SYNE1: variants seen among roughly 807,000 people sequenced by gnomAD.
The protein encoded by SYNE1 is spectrin repeat containing nuclear envelope protein 1.
Under a neutral mutation model 1,111.0 loss-of-function variants are expected in SYNE1, and 616 were observed. That is an observed-to-expected ratio of 0.55 (90% CI 0.52 to 0.59). The LOEUF is 0.59. Among genes scored for constraint, SYNE1 ranks in the 20% least tolerant of loss-of-function variants. The pLI is 0.00. For synonymous variants in SYNE1, 3,855 were observed against 3,825.8 expected, an observed-to-expected ratio of 1.01 and a Z score of -0.28; for missense variants, 10,006 against 10,417.0, an observed-to-expected ratio of 0.96 and a Z score of 1.72.
At chr6:152,391,229 C>G in intron 52 of SYNE1, 48 bp downstream of exon 52, 1 of 1,611,050 alleles carries the variant, frequency 6.2e-7, no homozygotes, top group African/African-American at 1.3e-5. Flanking sequence ...TGAATCTAAT[C>G]AAATTAGCAT....
chr6:152,294,250 A>T, intron 93 of SYNE1, 123 bp from the exon 94 acceptor site: 2 of 924,600 alleles, frequency 2.2e-6, no homozygotes, highest in Non-Finnish European at 3.3e-6. Flanking sequence ...GGGCACTACA[A>T]ACTAGTAAAT....
chr6:152,486,809 C>T (rs755158881), intron 12 of SYNE1, among the ~76,000 whole-genome samples: 7 of 152,128 alleles, frequency 4.6e-5, no homozygotes, highest in Non-Finnish European at 8.8e-5. Context: ...TTTAAAGATA[C>T]AATTATATAA....
At chr6:152,189,464 A>AGTGTTT in intron 127 of SYNE1, 57 bp from the exon 128 acceptor site, 2 of 1,573,516 alleles carry the variant, frequency 1.3e-6, no homozygotes, top group East Asian at 4.5e-5. Flanking sequence ...TGATTTCTGA[A>AGTGTTT]GTGTTTTTGA....
chr6:152,359,254 A>G (rs1182299740), intron 65 of SYNE1, 61 bp downstream of exon 65: 19 of 1,604,858 alleles, frequency 1.2e-5, no homozygotes, highest in Non-Finnish European at 1.6e-5. Context: ...GAGTCTTTAA[A>G]GGAGCACAGC....
intron 87 of SYNE1, chr6:152,316,478 C>CT (rs2095724642): frequency 3.6e-6 from 1 of 280,770 alleles, no homozygotes; most frequent in Admixed American, 5.0e-5. Flanking sequence ...TCCCACCAGT[C>CT]TGAGTGTGGA....
intron 130 of SYNE1, among the ~76,000 whole-genome samples, chr6:152,174,503 T>G (rs768175328): frequency 1.3e-5 from 2 of 152,228 alleles, no homozygotes; most frequent in African/African-American, 2.4e-5. Context: ...AGTTCTGTCA[T>G]TTTATCTTGA....
rs75675367 is a variant in SYNE1 at position 152,378,869 on chromosome 6, G to C, written c.9010-1957C>G. Among the ~76,000 whole-genome samples, 14 of 152,280 alleles carry C rather than the reference G, an allele frequency of 9.2e-5. No individual in the cohort carries two copies. The East Asian group carries it at 2.5e-3, about 27-fold the overall frequency. ...CTCCCCACCTAGGCTGTGATTATGA[G>C]AGCAGGAATGACATTCTCTTGGTTT... On this transcript the variant is annotated intron_variant, in intron 56 of 145. Coordinates refer to ENST00000367255, the MANE Select transcript of SYNE1 (RefSeq NM_182961.4).
At chr6:152,221,700 C>T in intron 117 of SYNE1, 141 bp from the exon 118 acceptor site, 1 of 1,093,382 alleles carries the variant, frequency 9.1e-7, no homozygotes, top group Non-Finnish European at 1.3e-6. Context: ...AATGCTTTAT[C>T]AGCTTTCTTT....
At position 152,136,690 on chromosome 6, in the gene SYNE1, C is replaced by G. The variant is rs746640631; in HGVS notation, c.25587G>C (p.Gly8529=). Residue 8529 remains glycine, a synonymous_variant, in exon 141 of 146, where the codon GGG becomes GGC. Coordinates refer to ENST00000367255, the MANE Select transcript of SYNE1 (RefSeq NM_182961.4). ...DLQDRLSQMN[G]RWDRVCSLLE... is the part of the protein sequence containing the mutation. ...GCAGAGAGCACACTCGGTCCCAGCG[C>G]CCATTCATCTGCGACAAGCGATCCT... The G allele has an allele frequency of 5.0e-6, 8 of 1,614,192 alleles. No homozygotes were observed.
At chr6:152,165,129 G>A (rs1259577675) in intron 130 of SYNE1, among the ~76,000 whole-genome samples, 1 of 149,512 alleles carries the variant, frequency 6.7e-6, no homozygotes, top group Non-Finnish European at 1.5e-5. Flanking sequence ...TTCTCAAGCT[G>A]GGATTGTCAC....
chr6:152,604,944 C>CAAAGAAAGAAGG (rs2099607551), intron 3 of SYNE1, among the ~76,000 whole-genome samples: 1 of 65,864 alleles, frequency 1.5e-5, no homozygotes, highest in African/African-American at 5.6e-5. Flanking sequence ...CCCTATCTCA[C>CAAAGAAAGAAGG]AAAGAAAGAA....
intron 131 of SYNE1, among the ~76,000 whole-genome samples, chr6:152,163,609 G>A (rs1331796013): frequency 2.6e-5 from 4 of 151,804 alleles, no homozygotes; most frequent in South Asian, 2.1e-4. Context: ...TGGGTTGTAC[G>A]CCGCCAGTGA....
At chr6:152,363,798 C>T in intron 63 of SYNE1, 1 of 455,634 alleles carries the variant, frequency 2.2e-6, no homozygotes, top group South Asian at 1.6e-5. Flanking sequence ...CTCAACTGCT[C>T]TTCTAATTCA....
Position 152,330,753 on chromosome 6 carries a change from C to A in SYNE1, c.13932G>T (p.Lys4644Asn). Residue 4644 changes from lysine to asparagine, a missense_variant, in exon 78 of 146, where the codon AAG becomes AAT. This residue lies in a region of SYNE1 where 4,955 missense variants were observed against 5,017.2 expected (regional missense o/e 0.99). Coordinates refer to ENST00000367255, the MANE Select transcript of SYNE1 (RefSeq NM_182961.4). ...NEVDHSYLSE[K>N]LNALPRQFNV... is the part of the protein sequence containing the mutation. ...TAAATTGTCGAGGCAAAGCATTTAG[C>A]TTTTCACTGAGGTAGGAATGATCGA... is the stretch of plus-strand genomic sequence containing the variant. 1 of 1,614,000 alleles carries A rather than the reference C, an allele frequency of 6.2e-7. No individual in the cohort carries two copies.
rs894520032 is a variant in SYNE1 at position 152,472,681 on chromosome 6, T to C, written c.1351-268A>G. ...CTTGCACAGCAATGCATTCAGACGT[T>C]TTAAAGGCACATGATCCAAAGGAAA... On this transcript the variant is annotated intron_variant, in intron 14 of 145. Coordinates refer to ENST00000367255, the MANE Select transcript of SYNE1 (RefSeq NM_182961.4). 2.9e-5 allele frequency: 20 copies of C among 698,418 alleles called. No homozygotes were observed. In the African/African-American group the frequency reaches 3.2e-4, roughly 11 times the overall value. The allele number at this position is 698,418 out of a possible 1,614,324, so 43.3% of individuals were successfully genotyped here.
intron 29 of SYNE1, among the ~76,000 whole-genome samples, chr6:152,445,317 AC>A (rs1366479437): frequency 6.6e-6 from 1 of 152,120 alleles, no homozygotes; most frequent in Non-Finnish European, 1.5e-5. Flanking sequence ...CAATATTCCT[AC>A]ATAAAAATAA....
chr6:152,502,539 C>T, intron 10 of SYNE1, 94 bp downstream of exon 10: 9 of 923,582 alleles, frequency 9.7e-6, no homozygotes, highest in Non-Finnish European at 1.6e-5. Flanking sequence ...TATTAAAATG[C>T]ATTCAAATTT....
intron 79 of SYNE1, 41 bp from the exon 80 acceptor site, chr6:152,326,143 C>T: frequency 6.2e-7 from 1 of 1,614,018 alleles, no homozygotes; most frequent in Non-Finnish European, 8.5e-7. Flanking sequence ...AGCACGAAAT[C>T]ACGTATTTCT....
intron 3 of SYNE1, among the ~76,000 whole-genome samples, chr6:152,590,124 A>ATTC (rs1401082870): frequency 6.7e-6 from 1 of 150,358 alleles, no homozygotes; most frequent in Admixed American, 6.6e-5. Context: ...TATTATTATT[A>ATTC]TTTTGTAGAG....
Sources: allele counts gnomAD v4.1 joint callset (sites outside exome capture counted in the v4.1 genomes callset), GRCh38; gene constraint gnomAD v4.1.1; regional missense constraint gnomAD v4.1.1; transcripts MANE v1.5; gene names NCBI Gene and HGNC (gene_info 2026-07-23, HGNC 2026-07-21).